The following CMPK2 variants were observed in gnomAD, a reference collection of about 807,000 sequenced individuals.
The protein encoded by CMPK2 is cytidine/uridine monophosphate kinase 2, also known as UMP-CMP kinase 2, mitochondrial.
CMPK2 carries 32 observed loss-of-function variants against 33.4 expected under a neutral mutation model. That is an observed-to-expected ratio of 0.96 (90% CI 0.72 to 1.29). The LOEUF (loss-of-function observed/expected upper bound fraction) is 1.29. Ranked by LOEUF, CMPK2 falls within the 50% of genes most tolerant of loss-of-function variation. CMPK2 has a pLI of 0.00. For synonymous variants in CMPK2, 299 were observed against 275.3 expected (o/e 1.09, Z -0.85); for missense variants, 672 against 616.0 (o/e 1.09, Z -0.96).
In CMPK2 at chr2:6,865,438, C is replaced by T. The variant is rs1186746986; in HGVS notation, c.259G>A (p.Ala87Thr). The T allele has an allele frequency of 9.3e-6, 12 of 1,285,098 alleles. No individual in the cohort carries two copies. In the East Asian group the frequency reaches 2.9e-4, roughly 31 times the overall value. The allele number at this position is 1,285,098 out of a possible 1,614,324, so 79.6% of individuals were successfully genotyped here. The change falls in exon 1 of 5, where the codon GCC (alanine) becomes ACC (threonine). Residue 87 changes from alanine to threonine, a missense_variant. Transcript: ENST00000256722. ...TGCAGCCGCGCCGCCCGGACCCGGG[C>T]CCCGCAGCCGGCGTCCGGGGTCACG... is the stretch of plus-strand genomic sequence containing the variant. ...VPVTPDAGCG[A>T]RVRAARLHQR...
chr2:6,866,613 GCTGCCTAACAGTGTAA>G (rs1481583493), upstream of CMPK2: 3 of 222,710 alleles, frequency 1.3e-5, no homozygotes, highest in Non-Finnish European at 2.3e-5. Flanking sequence ...CAGCACTGTT[GCTGCCTAACAGTGTAA>G]CTGCCTAACA....
chr2:6,857,793 G>A (rs1490244977), intron 3 of CMPK2, among the ~76,000 whole-genome samples: 2 of 151,396 alleles, frequency 1.3e-5, no homozygotes, highest in Admixed American at 6.6e-5. Flanking sequence ...CCACCACCTC[G>A]CCCGGCTAAT....
At chr2:6,843,816 G>A (rs1046844937), downstream of CMPK2, among the ~76,000 whole-genome samples, 1 of 152,224 alleles carries the variant, frequency 6.6e-6, no homozygotes, top group Non-Finnish European at 1.5e-5. Context: ...TGATATGGGA[G>A]GAGAGAAGGT....
chr2:6,865,426 C>T lies in CMPK2; in HGVS notation c.271G>A (p.Ala91Thr), dbSNP rs1008045150. The part of the protein sequence containing the change: ...PDAGCGARVR[A>T]ARLHQRLLHQ... Reference sequence around the variant, plus strand: ...AGCAGGCGCTGGTGCAGCCGCGCCGCCCGGACCCGGGCCCCGCAGCCGGCG... The same window carrying T: ...AGCAGGCGCTGGTGCAGCCGCGCCGTCCGGACCCGGGCCCCGCAGCCGGCG... Residue 91 changes from alanine to threonine, a missense_variant, in exon 1 of 5, where the codon GCG (alanine) becomes ACG (threonine). Coordinates refer to ENST00000256722, the MANE Select transcript of CMPK2 (RefSeq NM_207315.4). The T allele has an allele frequency of 2.3e-6, 3 of 1,304,036 alleles. No individual in the cohort carries two copies. The highest frequency in any genetic ancestry group is 2.9e-4 in the Middle Eastern group (1 of 3,488). The allele number at this position is 1,304,036 out of a possible 1,614,324, so 80.8% of individuals were successfully genotyped here.
At position 6,848,560 on chromosome 2, in the gene CMPK2, T is replaced by TA; in HGVS notation, c.*1289dup. 1.0e-6 allele frequency: 1 copy of TA among 953,456 alleles called. No homozygotes were observed. Among genetic ancestry groups the TA allele is most frequent in the Non-Finnish European group, 1.2e-6 (1 of 800,946 alleles). The allele number at this position is 953,456 out of a possible 1,614,324, so 59.1% of individuals were successfully genotyped here. ...ATATAGAAATTACCTATAGCTCTTT[T>TA]AAAAATCCTATGACATTAACATGAA... On this transcript the variant is annotated 3_prime_UTR_variant, in exon 5 of 5. Transcript: ENST00000256722.
At chr2:6,854,535 A>G (rs1481299979) in intron 3 of CMPK2, among the ~76,000 whole-genome samples, 3 of 152,226 alleles carry the variant, frequency 2.0e-5, no homozygotes, top group African/African-American at 7.2e-5. Context: ...TCACACACAC[A>G]AAGAAGACAA....
chr2:6,843,543 T>A (rs943380184), downstream of CMPK2, among the ~76,000 whole-genome samples: 2 of 152,262 alleles, frequency 1.3e-5, no homozygotes, highest in East Asian at 1.9e-4. Flanking sequence ...TGGACCAGGA[T>A]AGCAGTTGCA....
At position 6,849,430 on chromosome 2, in the gene CMPK2, T is replaced by C; in HGVS notation, c.*420A>G. 1.0e-6 allele frequency: 1 copy of C among 996,214 alleles called. No individual in the cohort carries two copies. Among genetic ancestry groups the C allele is most frequent in the Non-Finnish European group, 1.2e-6 (1 of 837,212 alleles). 61.7% of individuals were successfully genotyped at this position (996,214 alleles called of 1,614,324 possible). A position where few individuals can be genotyped will look rare whatever the true frequency, so the allele number is the denominator to read the frequency against. On this transcript the variant is annotated 3_prime_UTR_variant, in exon 5 of 5. Coordinates refer to ENST00000256722, the MANE Select transcript of CMPK2 (RefSeq NM_207315.4). ...GATGTGGAAGAAGCCAATGTGGGCA[T>C]GTCACGATCTCATCAGCATGCCAGT...
chr2:6,848,947 C>A lies in CMPK2; in HGVS notation c.*903G>T, dbSNP rs1478625256. 1 of 985,642 alleles carries A rather than the reference C, an allele frequency of 1.0e-6. No homozygotes were observed. The highest frequency in any genetic ancestry group is 1.7e-5 in the African/African-American group (1 of 57,236). 61.1% of individuals were successfully genotyped at this position (985,642 alleles called of 1,614,324 possible). A position where few individuals can be genotyped will look rare whatever the true frequency, so the allele number is the denominator to read the frequency against. ...TTGTGTAATGAAAATACACAACAAA[C>A]ATTGCATTTAGCGTTTTGACTCCAC... is the stretch of plus-strand genomic sequence containing the variant. On this transcript the variant is annotated 3_prime_UTR_variant, in exon 5 of 5. Coordinates refer to ENST00000256722, the MANE Select transcript of CMPK2 (RefSeq NM_207315.4).
intron 3 of CMPK2, among the ~76,000 whole-genome samples, chr2:6,857,031 T>C (rs541483122): frequency 6.6e-6 from 1 of 152,328 alleles, no homozygotes; most frequent in Non-Finnish European, 1.5e-5. Context: ...TTCAAACTGC[T>C]CTCTAAGTGA....
chr2:6,844,711 T>G (rs1662314209), downstream of CMPK2, among the ~76,000 whole-genome samples: 1 of 152,214 alleles, frequency 6.6e-6, no homozygotes, highest in African/African-American at 2.4e-5. Flanking sequence ...CTTCTTATCT[T>G]CCAGACTTTT....
At chr2:6,860,360 G>A (rs768468048) in intron 3 of CMPK2, among the ~76,000 whole-genome samples, 27 of 152,170 alleles carry the variant, frequency 1.8e-4, no homozygotes, top group Non-Finnish European at 2.6e-4. Context: ...GAGGCCAGGA[G>A]TGGAGTTATA....
chr2:6,861,492 C>A (rs892215692), intron 2 of CMPK2, 107 bp from the exon 3 acceptor site: 4 of 777,056 alleles, frequency 5.1e-6, no homozygotes, highest in Non-Finnish European at 6.4e-6. Flanking sequence ...AATGAGTAGA[C>A]TAAATAACAG....
intron 2 of CMPK2, 67 bp downstream of exon 2, chr2:6,863,397 G>A: frequency 7.2e-7 from 1 of 1,381,180 alleles, no homozygotes; most frequent in South Asian, 1.2e-5. Flanking sequence ...TTTGCAGGAA[G>A]TATTTCTGTT....
chr2:6,844,778 T>C (rs181854278), downstream of CMPK2, among the ~76,000 whole-genome samples: 1 of 152,302 alleles, frequency 6.6e-6, no homozygotes, highest in Admixed American at 6.5e-5. Context: ...TCCTGTTAGG[T>C]TTTGGCTTAA....
intron 3 of CMPK2, 142 bp downstream of exon 3, chr2:6,861,042 A>G: frequency 4.6e-6 from 3 of 655,448 alleles, no homozygotes; most frequent in South Asian, 3.8e-5. Context: ...TATTATCATA[A>G]TAACAGTTTG....
intron 3 of CMPK2, among the ~76,000 whole-genome samples, chr2:6,841,012 T>C (rs1024565052): frequency 4.6e-5 from 7 of 152,008 alleles, no homozygotes; most frequent in Non-Finnish European, 1.5e-5. Context: ...TCCTGAGGTG[T>C]CTCTTAATGA....
intron 3 of CMPK2, among the ~76,000 whole-genome samples, chr2:6,852,623 T>C (rs1224812180): frequency 2.0e-5 from 3 of 152,236 alleles, no homozygotes; most frequent in African/African-American, 7.2e-5. Flanking sequence ...GTTATAAGTG[T>C]AATATCTATT....
chr2:6,851,709 C>A (rs754383037), intron 3 of CMPK2, 26 bp from the exon 4 acceptor site: 39 of 1,604,366 alleles, frequency 2.4e-5, no homozygotes, highest in Middle Eastern at 1.7e-4. Flanking sequence ...GTAGTGAGTT[C>A]TCTGTCTGCA....
Sources: gnomAD v4.1 joint callset for allele counts (sites outside exome capture counted in the v4.1 genomes callset) on GRCh38, gnomAD v4.1.1 for gene constraint, MANE v1.5 for transcripts, NCBI Gene and HGNC (gene_info 2026-07-23, HGNC 2026-07-21) for gene names.